UNC13C: variants seen among roughly 807,000 people sequenced by gnomAD.
UNC13C encodes the protein protein unc-13 homolog C.
In UNC13C, 174 loss-of-function variants were observed where a neutral mutation model predicts 245.4. That is an observed-to-expected ratio of 0.71 (90% CI 0.63 to 0.80). The LOEUF (loss-of-function observed/expected upper bound fraction) is 0.80. Ranked by LOEUF, UNC13C falls within the 30% of genes least tolerant of loss-of-function variation. The pLI, the probability that UNC13C is intolerant of heterozygous loss-of-function variation, is 0.00. For synonymous variants in UNC13C, 992 were observed against 895.1 expected, an observed-to-expected ratio of 1.11 and a Z score of -1.93; for missense variants, 2,829 against 2,602.9, an observed-to-expected ratio of 1.09 and a Z score of -1.89.
At chr15:53,933,858 G>T in the UNC13C span, among the ~76,000 whole-genome samples, 2 of 152,188 alleles carry the variant, frequency 1.3e-5, no homozygotes, top group Admixed American at 1.3e-4. Flanking sequence ...ACTTCTGCAA[G>T]AATGATGTGT....
rs139790367 is a variant in UNC13C, at chr15:54,440,256, A to AG, written c.4933+25189_4933+25190insG. 7.8e-3 allele frequency among the ~76,000 whole-genome samples: 1,188 copies of AG among 151,988 alleles called. 8 individuals are homozygous for AG. Among genetic ancestry groups the AG allele is most frequent in the African/African-American group, 0.027 (1,125 of 41,476 alleles). On this transcript the variant is annotated intron_variant, in intron 19 of 32. Transcript: ENST00000260323. The stretch of plus-strand genomic sequence containing the variant: ...ATTGTAAGTTTCCTGAGGCCTTCCC[A>AG]CTTTACAGAACTGTGAGTCAATTAA...
chr15:54,592,089 A>G (rs1180849055), intron 30 of UNC13C, among the ~76,000 whole-genome samples: 3 of 152,118 alleles, frequency 2.0e-5, no homozygotes, highest in African/African-American at 4.8e-5. Context: ...TTTAATTTCC[A>G]TGTATTTGTG....
intron 2 of UNC13C, among the ~76,000 whole-genome samples, chr15:54,137,286 C>G (rs1362652668): frequency 6.6e-6 from 1 of 152,200 alleles, no homozygotes; most frequent in Non-Finnish European, 1.5e-5. Context: ...CATCTATGTT[C>G]ATCAGGAATA....
the UNC13C span, among the ~76,000 whole-genome samples, chr15:53,882,569 C>T: frequency 1.3e-5 from 2 of 152,104 alleles, no homozygotes; most frequent in Non-Finnish European, 2.9e-5. Flanking sequence ...CATTTCAATA[C>T]TATTCTACTG....
chr15:54,151,671 T>G (rs2032522340), intron 4 of UNC13C, among the ~76,000 whole-genome samples: 1 of 152,162 alleles, frequency 6.6e-6, no homozygotes, highest in South Asian at 2.1e-4. Flanking sequence ...CCCAAAGTGC[T>G]GGGATGATAC....
chr15:54,298,047 C>G (rs1189212062), intron 12 of UNC13C, 121 bp downstream of exon 12: 2 of 692,338 alleles, frequency 2.9e-6, no homozygotes, highest in Admixed American at 2.8e-5. Flanking sequence ...AGTTCTGACT[C>G]TATACTACAG....
chr15:54,282,097 A>G (rs1016635214), intron 10 of UNC13C, among the ~76,000 whole-genome samples: 4 of 152,120 alleles, frequency 2.6e-5, no homozygotes, highest in African/African-American at 9.7e-5. Flanking sequence ...ACTTTTAGGT[A>G]TTATGAATAA....
chr15:54,226,413 C>G (rs1340977143), intron 4 of UNC13C, among the ~76,000 whole-genome samples: 1 of 152,194 alleles, frequency 6.6e-6, no homozygotes, highest in East Asian at 1.9e-4. Context: ...TAGAATTCAG[C>G]TGTAAATCCA....
chr15:54,044,243 C>T (rs1896935078), intron 2 of UNC13C, among the ~76,000 whole-genome samples: 1 of 152,208 alleles, frequency 6.6e-6, no homozygotes, highest in Non-Finnish European at 1.5e-5. Flanking sequence ...TGTTGTAGCA[C>T]ATAACAGTAA....
intron 29 of UNC13C, among the ~76,000 whole-genome samples, chr15:54,560,254 T>C (rs1897248494): frequency 6.6e-6 from 1 of 151,916 alleles, no homozygotes. Flanking sequence ...ATTCTTCTTA[T>C]AATCTTGTAA....
chr15:54,258,715 G>A (rs1244138005), intron 8 of UNC13C, among the ~76,000 whole-genome samples: 1 of 152,032 alleles, frequency 6.6e-6, no homozygotes, highest in Non-Finnish European at 1.5e-5. Flanking sequence ...TTGACATGCT[G>A]AAATCACTAT....
chr15:54,366,572 G>C (rs2039371220), intron 17 of UNC13C, among the ~76,000 whole-genome samples: 1 of 152,028 alleles, frequency 6.6e-6, no homozygotes, highest in South Asian at 2.1e-4. Flanking sequence ...TACAAGGTTT[G>C]TGTGCTAAAA....
chr15:54,156,179 C>T (rs2032737849), intron 4 of UNC13C, among the ~76,000 whole-genome samples: 1 of 152,094 alleles, frequency 6.6e-6, no homozygotes, highest in Non-Finnish European at 1.5e-5. Context: ...AATCATCTGC[C>T]AAAGTCTTAA....
At chr15:54,540,018 A>G (rs1378210139) in intron 26 of UNC13C, among the ~76,000 whole-genome samples, 1 of 152,088 alleles carries the variant, frequency 6.6e-6, no homozygotes, top group Non-Finnish European at 1.5e-5. Context: ...CTTTTGAAAG[A>G]AATATGTCAT....
intron 19 of UNC13C, among the ~76,000 whole-genome samples, chr15:54,487,278 AG>A (rs1208513060): frequency 6.6e-6 from 1 of 152,192 alleles, no homozygotes; most frequent in Non-Finnish European, 1.5e-5. Context: ...TCAAGAATAA[AG>A]CTTCCTTTGG....
the UNC13C span, among the ~76,000 whole-genome samples, chr15:53,851,729 A>G: frequency 0.13 from 20,407 of 152,114 alleles, 1,520 homozygotes; most frequent in Admixed American, 0.21. Context: ...TTTTTGTCCA[A>G]TCGCATTGTG....
intron 26 of UNC13C, among the ~76,000 whole-genome samples, chr15:54,541,065 C>T: frequency 6.6e-6 from 1 of 152,054 alleles, no homozygotes; most frequent in Admixed American, 6.6e-5. Context: ...AAACAGTTTT[C>T]AAATTACAGG....
intron 19 of UNC13C, among the ~76,000 whole-genome samples, chr15:54,465,068 A>G (rs1892094516): frequency 6.6e-6 from 1 of 152,056 alleles, no homozygotes; most frequent in African/African-American, 2.4e-5. Context: ...TATAATTTCA[A>G]TATATATTGA....
At chr15:54,496,270 T>A (rs1893944938) in intron 20 of UNC13C, among the ~76,000 whole-genome samples, 2 of 151,934 alleles carry the variant, frequency 1.3e-5, no homozygotes, top group South Asian at 4.1e-4. Context: ...ATACTGAAAA[T>A]ATAGAGTGAT....
Sources: allele counts gnomAD v4.1 joint callset (sites outside exome capture counted in the v4.1 genomes callset), GRCh38; gene constraint gnomAD v4.1.1; transcripts MANE v1.5; gene names NCBI Gene and HGNC (gene_info 2026-07-23, HGNC 2026-07-21).